RBFOX1: variants seen among roughly 807,000 people sequenced by gnomAD.
RBFOX1 encodes RNA binding protein fox-1 homolog 1.
A neutral mutation model predicts 57.7 loss-of-function variants in RBFOX1; 8 were observed. That is an observed-to-expected ratio of 0.14 (90% CI 0.08 to 0.25). The LOEUF is 0.25. Among genes scored for constraint, RBFOX1 ranks in the 10% least tolerant of loss-of-function variants. The probability of loss-of-function intolerance (pLI) is 1.00; values close to 1 mark genes in which losing one functional copy is unlikely to be tolerated. For missense variants in RBFOX1, 611 were observed against 548.5 expected, an observed-to-expected ratio of 1.11 and a Z score of -1.14; for synonymous variants, 326 against 222.4, an observed-to-expected ratio of 1.47 and a Z score of -4.15.
At chr16:7,620,038 T>C (rs1277395899) in intron 10 of RBFOX1, among the ~76,000 whole-genome samples, 1 of 152,214 alleles carries the variant, frequency 6.6e-6, no homozygotes, top group Non-Finnish European at 1.5e-5. Flanking sequence ...ACTAAAATAT[T>C]TGCCATTAAC....
chr16:6,597,726 C>A (rs1003952894), intron 2 of RBFOX1, among the ~76,000 whole-genome samples: 1 of 152,084 alleles, frequency 6.6e-6, no homozygotes, highest in African/African-American at 2.4e-5. Flanking sequence ...GCTGAAACAT[C>A]AGAAAGAAGT....
intron 3 of RBFOX1, among the ~76,000 whole-genome samples, chr16:5,745,512 C>T (rs547428391): frequency 3.3e-5 from 5 of 152,304 alleles, no homozygotes; most frequent in East Asian, 3.9e-4. Flanking sequence ...CTTGAGGAAT[C>T]GCCTTACTGT....
At chr16:7,378,118 C>T (rs1476134450) in intron 4 of RBFOX1, among the ~76,000 whole-genome samples, 5 of 152,154 alleles carry the variant, frequency 3.3e-5, no homozygotes, top group Non-Finnish European at 7.3e-5. Flanking sequence ...AGAAGTAGAT[C>T]AGTCAGATGG....
At chr16:5,827,271 G>A in intron 3 of RBFOX1, among the ~76,000 whole-genome samples, 1 of 151,826 alleles carries the variant, frequency 6.6e-6, no homozygotes, top group Admixed American at 6.6e-5. Context: ...GTGGTGGTGG[G>A]TGCCAGTAAT....
intron 4 of RBFOX1, among the ~76,000 whole-genome samples, chr16:7,094,954 A>G (rs1341195354): frequency 3.9e-5 from 6 of 152,100 alleles, no homozygotes; most frequent in African/African-American, 9.7e-5. Flanking sequence ...GTAAACATCT[A>G]TTGTAAACAT....
intron 5 of RBFOX1, among the ~76,000 whole-genome samples, chr16:7,544,633 C>A (rs1030642810): frequency 7.9e-5 from 12 of 152,092 alleles, no homozygotes; most frequent in African/African-American, 2.4e-4. Context: ...TGAGAGCCTT[C>A]AGATGGAGCA....
intron 4 of RBFOX1, chr16:7,304,545 G>T: frequency 3.0e-6 from 3 of 985,332 alleles, no homozygotes; most frequent in Non-Finnish European, 3.6e-6. Context: ...ATGGGTCCCC[G>T]CGCGTACTGG....
chr16:7,008,636 CCCTCCCTTCCTTCCT>C (rs1237374565), intron 3 of RBFOX1, among the ~76,000 whole-genome samples: 19 of 97,050 alleles, frequency 2.0e-4, no homozygotes, highest in African/African-American at 4.1e-4. Context: ...CTCCCTTCCT[CCCTCCCTTCCTTCCT>C]CCTCCCTTCC....
chr16:7,627,187 C>CA (rs139069709), intron 10 of RBFOX1, among the ~76,000 whole-genome samples: 5,245 of 82,612 alleles, frequency 0.063, 301 homozygotes, highest in African/African-American at 0.18. Context: ...TTCTATTTGA[C>CA]AAAAAAAAAA....
chr16:5,917,454 A>C (rs543539985), intron 4 of RBFOX1, among the ~76,000 whole-genome samples: 2 of 152,292 alleles, frequency 1.3e-5, no homozygotes, highest in East Asian at 3.9e-4. Flanking sequence ...GACGTTAAGT[A>C]ATTTTCTCAA....
chr16:6,959,872 C>T (rs1363710125), intron 3 of RBFOX1, among the ~76,000 whole-genome samples: 5 of 152,042 alleles, frequency 3.3e-5, no homozygotes, highest in Non-Finnish European at 5.9e-5. Context: ...AGGAGGCGGA[C>T]ATGTAGTGAG....
chr16:5,724,662 G>C (rs1353143401), intron 3 of RBFOX1, among the ~76,000 whole-genome samples: 1 of 152,122 alleles, frequency 6.6e-6, no homozygotes, highest in Non-Finnish European at 1.5e-5. Context: ...CTCAAATAGA[G>C]ATGGTTTTTC....
chr16:5,374,745 CA>C, intron 1 of RBFOX1, among the ~76,000 whole-genome samples: 1 of 147,264 alleles, frequency 6.8e-6, no homozygotes, highest in East Asian at 2.0e-4. Context: ...TGACTAAAAA[CA>C]TCAAAAGAAG....
intron 3 of RBFOX1, among the ~76,000 whole-genome samples, chr16:7,009,870 C>T (rs1262945848): frequency 6.6e-6 from 1 of 152,074 alleles, no homozygotes; most frequent in African/African-American, 2.4e-5. Flanking sequence ...TAAAATATTC[C>T]TGGGCTATTT....
intron 4 of RBFOX1, among the ~76,000 whole-genome samples, chr16:5,972,285 C>T (rs571249436): frequency 6.6e-6 from 1 of 152,166 alleles, no homozygotes; most frequent in Non-Finnish European, 1.5e-5. Flanking sequence ...AAGTGGATTC[C>T]TAGAAAAAAT....
At chr16:7,643,246 G>A (rs190549664) in intron 11 of RBFOX1, among the ~76,000 whole-genome samples, 205 of 152,262 alleles carry the variant, frequency 1.3e-3, no homozygotes, top group Non-Finnish European at 2.3e-3. Context: ...TAAGTTAGGG[G>A]AACTTTCTCC....
chr16:7,377,797 A>G (rs76824193), intron 4 of RBFOX1, among the ~76,000 whole-genome samples: 2,358 of 152,298 alleles, frequency 0.015, 67 homozygotes, highest in African/African-American at 0.054. Flanking sequence ...AGTGGGACAG[A>G]TAGGTGGTAA....
At chr16:6,559,180 T>A (rs79894687) in intron 2 of RBFOX1, among the ~76,000 whole-genome samples, 3,000 of 152,070 alleles carry the variant, frequency 0.02, 98 homozygotes, top group African/African-American at 0.067. Context: ...TACATATATA[T>A]ATACACAAAC....
At chr16:7,307,001 A>G (rs1479667212) in intron 4 of RBFOX1, among the ~76,000 whole-genome samples, 2 of 152,208 alleles carry the variant, frequency 1.3e-5, no homozygotes, top group African/African-American at 4.8e-5. Flanking sequence ...AAATTGATCA[A>G]GTGGACGAAT....
Sources: allele counts gnomAD v4.1 joint callset (sites outside exome capture counted in the v4.1 genomes callset), GRCh38; gene constraint gnomAD v4.1.1; transcripts MANE v1.5; gene names NCBI Gene and HGNC (gene_info 2026-07-23, HGNC 2026-07-21).